The following PDE6A variants were observed in gnomAD, a reference collection of about 807,000 sequenced individuals.
PDE6A encodes the protein rod cGMP-specific 3',5'-cyclic phosphodiesterase subunit alpha.
In PDE6A, 84 loss-of-function variants were observed where a neutral mutation model predicts 106.3. The observed-to-expected ratio is 0.79, with a 90% confidence interval of 0.66 to 0.95. PDE6A has a LOEUF of 0.95. Ranked by LOEUF, PDE6A falls within the 40% of genes least tolerant of loss-of-function variation. The probability of loss-of-function intolerance (pLI) is 0.00; values close to 1 mark genes in which losing one functional copy is unlikely to be tolerated. For synonymous variants in PDE6A, 394 were observed against 386.6 expected, an observed-to-expected ratio of 1.02 and a Z score of -0.23; for missense variants, 1,052 against 1,084.9, an observed-to-expected ratio of 0.97 and a Z score of 0.43.
chr5:149,912,000 C>T (rs141351464), intron 6 of PDE6A, among the ~76,000 whole-genome samples: 4 of 152,102 alleles, frequency 2.6e-5, no homozygotes, highest in South Asian at 2.1e-4. Context: ...AACACTAACA[C>T]GCTAATTAAA....
intron 1 of PDE6A, among the ~76,000 whole-genome samples, chr5:149,940,821 A>G (rs1040919079): frequency 6.6e-6 from 1 of 152,136 alleles, no homozygotes; most frequent in African/African-American, 2.4e-5. Flanking sequence ...TCTTGCATTC[A>G]TGCATGTGGA....
chr5:149,878,380 T>G (rs929839243), intron 17 of PDE6A, among the ~76,000 whole-genome samples: 3 of 152,222 alleles, frequency 2.0e-5, no homozygotes, highest in African/African-American at 7.2e-5. Context: ...GATATTCCAT[T>G]GTATGAAAGT....
In PDE6A at chr5:149,899,440, C is replaced by T. The variant is rs1479433961; in HGVS notation, c.1198G>A (p.Val400Met). Residue 400 changes from valine to methionine, a missense_variant, in exon 9 of 22, where the codon GTG (valine) becomes ATG (methionine). Val to Met is a conservative substitution (Grantham distance 21). Around this residue, in one of 3 missense-constraint regions of PDE6A, gnomAD observed 913 missense variants for 915.2 expected, o/e 1.00. Coordinates refer to ENST00000255266, the MANE Select transcript of PDE6A (RefSeq NM_000440.3). ...TCTTTACGATTGTAAAATGTGGCCA[C>T]TCCAACAATTTCTTCCTTCTTGTTC... The part of the protein sequence containing the change: ...IVNKKEEIVG[V>M]ATFYNRKDGK... The T allele has an allele frequency of 6.2e-7, 1 of 1,614,116 alleles. No homozygotes were observed. Among genetic ancestry groups the T allele is most frequent in the East Asian group, 2.2e-5 (1 of 44,890 alleles).
At chr5:149,925,336 A>T (rs1284051284) in intron 4 of PDE6A, among the ~76,000 whole-genome samples, 3 of 152,250 alleles carry the variant, frequency 2.0e-5, no homozygotes, top group Non-Finnish European at 4.4e-5. Context: ...CTACAAAAAC[A>T]GAATGAGTTG....
chr5:149,860,764 A>G lies in PDE6A; in HGVS notation c.*131T>C. ...AAGCCAAAAGATTGAACAGTCCTGGAAGCTAAATTCTCTAACAGCTTTCAA... is the reference window on the plus strand; with the variant it reads ...AAGCCAAAAGATTGAACAGTCCTGGGAGCTAAATTCTCTAACAGCTTTCAA... On this transcript the variant is annotated 3_prime_UTR_variant, in exon 22 of 22. Coordinates refer to ENST00000255266, the MANE Select transcript of PDE6A (RefSeq NM_000440.3). 2 of 740,286 alleles carry G rather than the reference A, an allele frequency of 2.7e-6. No individual in the cohort carries two copies. The highest frequency in any genetic ancestry group is 4.6e-5 in the Admixed American group (2 of 43,598). The allele number at this position is 740,286 out of a possible 1,614,324, so 45.9% of individuals were successfully genotyped here.
At chr5:149,875,063 G>A (rs1760690104) in intron 17 of PDE6A, among the ~76,000 whole-genome samples, 1 of 152,104 alleles carries the variant, frequency 6.6e-6, no homozygotes, top group Non-Finnish European at 1.5e-5. Flanking sequence ...AAAGCCCCAA[G>A]TGTGTAACAG....
chr5:149,865,327 T>G (rs1009825151), intron 20 of PDE6A, among the ~76,000 whole-genome samples: 1 of 151,592 alleles, frequency 6.6e-6, no homozygotes, highest in East Asian at 1.9e-4. Flanking sequence ...GGAGGATCAT[T>G]TGGGCCTGGG....
At chr5:149,899,552 C>T in intron 8 of PDE6A, 28 bp from the exon 9 acceptor site, 15 of 1,612,578 alleles carry the variant, frequency 9.3e-6, no homozygotes, top group Non-Finnish European at 1.3e-5. Flanking sequence ...GATTAGGTTT[C>T]CTCTTGTTTC....
At position 149,933,975 on chromosome 5, in the gene PDE6A, C is replaced by A. The variant is rs1219967457; in HGVS notation, c.672G>T (p.Val224=). 1.2e-6 allele frequency: 2 copies of A among 1,613,866 alleles called. No individual in the cohort carries two copies. Among genetic ancestry groups the A allele is most frequent in the East Asian group, 4.5e-5 (2 of 44,880 alleles). The change falls in exon 3 of 22, where the codon GTG becomes GTT. Residue 224 remains valine, a synonymous_variant. Coordinates refer to ENST00000255266, the MANE Select transcript of PDE6A (RefSeq NM_000440.3). Reference sequence around the variant, plus strand: ...AGTTGTGCAGGTAACTCAGGTGGTACACCTTCATGATTAGATTTGCAAAAT... The same window carrying A: ...AGTTGTGCAGGTAACTCAGGTGGTAAACCTTCATGATTAGATTTGCAAAAT... ...YLNFANLIMK[V]YHLSYLHNCE... is the part of the protein sequence containing the mutation.
intron 8 of PDE6A, among the ~76,000 whole-genome samples, chr5:149,902,606 C>T (rs1017505333): frequency 6.6e-6 from 1 of 151,858 alleles, no homozygotes; most frequent in Non-Finnish European, 1.5e-5. Flanking sequence ...GGATCACCTG[C>T]GGTCAGGAGT....
intron 1 of PDE6A, among the ~76,000 whole-genome samples, chr5:149,941,560 C>A (rs1264066095): frequency 6.6e-6 from 1 of 152,228 alleles, no homozygotes; most frequent in East Asian, 1.9e-4. Context: ...AGTAATGGGA[C>A]AGACTGCCAT....
Position 149,898,479 on chromosome 5 carries a change from C to T in PDE6A, c.1291G>A (p.Val431Ile), listed in dbSNP as rs892110815. ...GACTCATAGGTGTCAGGATTTAAGA[C>T]AGACCAGCCCAGAAATTGAGTCAAA... ...ESLTQFLGWS[V>I]LNPDTYESMN... is the part of the protein sequence containing the mutation. The change falls in exon 10 of 22, where the codon GTC becomes ATC. Residue 431 changes from valine (V) to isoleucine (I), a missense_variant. Val to Ile is a conservative substitution (Grantham distance 29, BLOSUM62 3). Around this residue, in one of 3 missense-constraint regions of PDE6A, gnomAD observed 913 missense variants for 915.2 expected, o/e 1.00. Transcript: ENST00000255266. 6.2e-7 allele frequency: 1 copy of T among 1,613,666 alleles called. No individual in the cohort carries two copies. Among genetic ancestry groups the T allele is most frequent in the South Asian group, 1.1e-5 (1 of 91,078 alleles).
intron 5 of PDE6A, among the ~76,000 whole-genome samples, chr5:149,920,160 T>C (rs1270550430): frequency 1.3e-5 from 2 of 151,938 alleles, no homozygotes; most frequent in East Asian, 1.9e-4. Flanking sequence ...AGACCTCATC[T>C]CTATATAAAA....
chr5:149,912,417 C>A (rs1753416322), intron 6 of PDE6A, among the ~76,000 whole-genome samples: 1 of 152,186 alleles, frequency 6.6e-6, no homozygotes, highest in Non-Finnish European at 1.5e-5. Context: ...GACATTCTGG[C>A]TGTCTATCCT....
intron 4 of PDE6A, among the ~76,000 whole-genome samples, chr5:149,925,265 TAA>T (rs1267655871): frequency 6.6e-6 from 1 of 152,166 alleles, no homozygotes; most frequent in East Asian, 1.9e-4. Context: ...GACTCAAAAA[TAA>T]CTGTGATTAT....
In PDE6A at chr5:149,944,360, A is replaced by C; in HGVS notation, c.314T>G (p.Ile105Ser). The C allele has an allele frequency of 6.2e-7, 1 of 1,614,154 alleles. No homozygotes were observed. Among genetic ancestry groups the C allele is most frequent in the African/African-American group, 1.3e-5 (1 of 75,042 alleles). ...GAAAAGCCTGGTGGCCAGCTCTGCG[A>C]TGCCATTGCGGGTCCGGTACATGAA... The part of the protein sequence containing the change: ...SLFMYRTRNG[I>S]AELATRLFNV... Residue 105 changes from isoleucine to serine, a missense_variant, in exon 1 of 22, where the codon ATC becomes AGC. Physicochemically the swap from Ile to Ser is moderately radical, Grantham distance 142. Transcript: ENST00000255266.
intron 5 of PDE6A, among the ~76,000 whole-genome samples, chr5:149,920,921 GAAGAA>G (rs1753683987): frequency 9.4e-6 from 1 of 106,434 alleles, no homozygotes; most frequent in Non-Finnish European, 2.1e-5. Flanking sequence ...AAGAAAGAAA[GAAGAA>G]AGAGAGAAAG....
intron 11 of PDE6A, 60 bp from the exon 12 acceptor site, chr5:149,896,562 C>A: frequency 3.7e-6 from 6 of 1,613,882 alleles, no homozygotes; most frequent in Non-Finnish European, 5.1e-6. Flanking sequence ...GTGCCCACCT[C>A]CTGTCCAGCC....
chr5:149,864,572 T>TAGCAC (rs1257960615), intron 20 of PDE6A, among the ~76,000 whole-genome samples: 2 of 152,240 alleles, frequency 1.3e-5, no homozygotes, highest in Admixed American at 1.3e-4. Flanking sequence ...TCTTTGAGCA[T>TAGCAC]AGCACATTAT....
Sources: allele counts gnomAD v4.1 joint callset (sites outside exome capture counted in the v4.1 genomes callset), GRCh38; gene constraint gnomAD v4.1.1; regional missense constraint gnomAD v4.1.1; transcripts MANE v1.5; gene names NCBI Gene and HGNC (gene_info 2026-07-23, HGNC 2026-07-21).